GPATCH1: variants seen among roughly 807,000 people sequenced by gnomAD.
The protein encoded by GPATCH1 is G-patch domain containing 1.
GPATCH1 carries 73 observed loss-of-function variants against 114.9 expected under a neutral mutation model. The ratio of observed to expected loss-of-function variants is 0.64; its 90% CI spans 0.53 to 0.77. The LOEUF (loss-of-function observed/expected upper bound fraction) is 0.77, where lower values mean the gene tolerates loss of function less well. GPATCH1 is among the 30% of genes least tolerant of loss of function. The probability of loss-of-function intolerance (pLI) is 0.00; values close to 1 mark genes in which losing one functional copy is unlikely to be tolerated. For missense variants in GPATCH1, 1,058 were observed against 1,144.3 expected (o/e 0.92, Z 1.09); for synonymous variants, 391 against 428.4 (o/e 0.91, Z 1.08).
At chr19:33,083,113 G>GCA (rs1972496926) in intron 1 of GPATCH1, among the ~76,000 whole-genome samples, 2 of 150,910 alleles carry the variant, frequency 1.3e-5, no homozygotes, top group Non-Finnish European at 3.0e-5. Context: ...TGGTGGGGGG[G>GCA]GGCTCATGTA....
chr19:33,095,978 T>C (rs1972653601), intron 6 of GPATCH1, among the ~76,000 whole-genome samples, 158 bp downstream of exon 6: 2 of 152,184 alleles, frequency 1.3e-5, no homozygotes, highest in African/African-American at 2.4e-5. Context: ...AGCATACATA[T>C]TCAGCAACAT....
At chr19:33,114,218 A>C (rs1327873552) in intron 14 of GPATCH1, 35 bp from the exon 15 acceptor site, 8 of 1,563,872 alleles carry the variant, frequency 5.1e-6, no homozygotes, top group Non-Finnish European at 7.0e-6. Flanking sequence ...TTTCCTTGCT[A>C]ATGCTGGAGT....
chr19:33,104,209 A>G (rs538103751), intron 9 of GPATCH1, among the ~76,000 whole-genome samples: 2 of 151,230 alleles, frequency 1.3e-5, no homozygotes, highest in South Asian at 2.1e-4. Context: ...GTGTGGTGGT[A>G]TGTGCCTGTA....
rs556867629 is a variant in GPATCH1 at position 33,101,433 on chromosome 19, T to C, written c.1001-62T>C. 5.8e-5 allele frequency: 52 copies of C among 891,482 alleles called. No homozygotes were observed. The African/African-American group carries it at 7.1e-4, about 12-fold the overall frequency. The allele number at this position is 891,482 out of a possible 1,614,324, so 55.2% of individuals were successfully genotyped here. Reference sequence around the variant, plus strand: ...TAGAGATAAGAACGTAAAATGCTGATGTGTTCTGTCTTATTCTAATCATCT... The same window carrying C: ...TAGAGATAAGAACGTAAAATGCTGACGTGTTCTGTCTTATTCTAATCATCT... On this transcript the variant is annotated intron_variant, in intron 8 of 19. Transcript: ENST00000170564.
rs780478679 is a variant in GPATCH1, at chr19:33,109,956, G to T, written c.1525G>T (p.Asp509Tyr). ...KASNFKPFAK[D>Y]PEKQKRYDEF... ...CAGCAACTTCAAGCCTTTCGCCAAAGATCCGGAAAAGCAAAAGCGATACGA... is the reference window on the plus strand; with the variant it reads ...CAGCAACTTCAAGCCTTTCGCCAAATATCCGGAAAAGCAAAAGCGATACGA... Residue 509 changes from aspartate (D) to tyrosine (Y), a missense_variant, in exon 11 of 20, where the codon GAT becomes TAT. Physicochemically the swap from Asp to Tyr is radical, Grantham distance 160 (BLOSUM62 -3). Around this residue, in one of 3 missense-constraint regions of GPATCH1, gnomAD observed 893 missense variants for 977.4 expected, o/e 0.91. Transcript: ENST00000170564. 6.2e-7 allele frequency: 1 copy of T among 1,613,946 alleles called. No homozygotes were observed. Among genetic ancestry groups the T allele is most frequent in the Non-Finnish European group, 8.5e-7 (1 of 1,179,996 alleles).
chr19:33,111,976 T>C (rs1046707675), intron 12 of GPATCH1, 74 bp downstream of exon 12: 1 of 1,161,720 alleles, frequency 8.6e-7, no homozygotes, highest in Non-Finnish European at 1.2e-6. Flanking sequence ...AGTTTTTTCC[T>C]TTTTTTTGAG....
intron 19 of GPATCH1, 23 bp from the exon 20 acceptor site, chr19:33,130,107 C>T (rs1973086836): frequency 1.2e-6 from 2 of 1,605,068 alleles, no homozygotes; most frequent in East Asian, 2.2e-5. Context: ...TTCCATTTCT[C>T]TCTTTTCTGT....
chr19:33,126,730 G>T lies in GPATCH1; in HGVS notation c.2762G>T (p.Arg921Ile). ...GACGTGTCGCCCCAGGAGCTGCTGA[G>T]ACGGTGGGTAGTGGGAGATGGAGGG... ...TADVSPQELL[R>I]RLKSLPLRRQ is the part of the protein sequence containing the mutation. The change falls in exon 19 of 20, where the codon AGA becomes ATA. Residue 921 changes from arginine (R) to isoleucine (I), a missense_variant. Arg to Ile is a moderately conservative substitution (Grantham distance 97, BLOSUM62 -3). Transcript: ENST00000170564. 1.2e-6 allele frequency: 2 copies of T among 1,609,748 alleles called. No homozygotes were observed. Among genetic ancestry groups the T allele is most frequent in the Non-Finnish European group, 1.7e-6 (2 of 1,178,914 alleles).
intron 8 of GPATCH1, among the ~76,000 whole-genome samples, chr19:33,099,163 A>G (rs1386638220): frequency 6.7e-6 from 1 of 149,536 alleles, no homozygotes; most frequent in Non-Finnish European, 1.5e-5. Context: ...TATATTATGT[A>G]ACATACCAAT....
intron 10 of GPATCH1, among the ~76,000 whole-genome samples, chr19:33,108,110 G>T (rs990266834): frequency 6.6e-6 from 1 of 152,004 alleles, no homozygotes; most frequent in Non-Finnish European, 1.5e-5. Context: ...ACGTGTGGGG[G>T]TTCTGTCCAC....
At chr19:33,117,389 G>C (rs186403067) in intron 15 of GPATCH1, among the ~76,000 whole-genome samples, 1 of 152,088 alleles carries the variant, frequency 6.6e-6, no homozygotes, top group South Asian at 2.1e-4. Context: ...ATAGAACAGA[G>C]GCACAGTGCT....
At position 33,126,619 on chromosome 19, in the gene GPATCH1, G is replaced by A. The variant is rs755007759; in HGVS notation, c.2651G>A (p.Gly884Asp). 1 of 1,613,168 alleles carries A rather than the reference G, an allele frequency of 6.2e-7. No homozygotes were observed. Among genetic ancestry groups the A allele is most frequent in the Non-Finnish European group, 8.5e-7 (1 of 1,179,496 alleles). Residue 884 changes from glycine to aspartate, a missense_variant, in exon 19 of 20, where the codon GGC (glycine) becomes GAC (aspartate). Coordinates refer to ENST00000170564, the MANE Select transcript of GPATCH1 (RefSeq NM_018025.3). ...AAACACAGGAAGCACAAACACAAAG[G>A]CAAGCAAAAGAATAAAAAACCAGAG... Reference protein sequence around the residue: ...KKKHRKHKHKGKQKNKKPEKS... With the variant: ...KKKHRKHKHKDKQKNKKPEKS...
At chr19:33,118,813 G>A (rs548155260) in intron 16 of GPATCH1, among the ~76,000 whole-genome samples, 197 bp from the exon 17 acceptor site, 90 of 152,304 alleles carry the variant, frequency 5.9e-4, no homozygotes, top group Non-Finnish European at 1.1e-3. Flanking sequence ...AGGTGCCCTC[G>A]TGTGACTGAC....
chr19:33,126,778 T>A, intron 19 of GPATCH1, 45 bp downstream of exon 19: 1 of 1,466,466 alleles, frequency 6.8e-7, no homozygotes, highest in Non-Finnish European at 9.4e-7. Flanking sequence ...CTTTAGAGGC[T>A]TATTGAGTGC....
chr19:33,109,298 C>A (rs867857206), intron 10 of GPATCH1, among the ~76,000 whole-genome samples: 1 of 152,132 alleles, frequency 6.6e-6, no homozygotes, highest in African/African-American at 2.4e-5. Context: ...GGGTGGATCA[C>A]CTGAGGTCAG....
chr19:33,100,958 C>T (rs1972719640), intron 8 of GPATCH1, among the ~76,000 whole-genome samples: 1 of 152,098 alleles, frequency 6.6e-6, no homozygotes, highest in Non-Finnish European at 1.5e-5. Context: ...GGGCATTGGT[C>T]ATTCAGTTTC....
In GPATCH1 at chr19:33,094,991, C is replaced by T. The variant is rs536770547; in HGVS notation, c.553+722C>T. Among the ~76,000 whole-genome samples the T allele has an allele frequency of 1.9e-4, 29 of 152,202 alleles. No homozygotes were observed. In the South Asian group the frequency reaches 5.8e-3, roughly 30 times the overall value. On this transcript the variant is annotated intron_variant, in intron 5 of 19. Coordinates refer to ENST00000170564, the MANE Select transcript of GPATCH1 (RefSeq NM_018025.3). ...CCAGCCTGGGCAACACGGTGAAACC[C>T]TGCCTCTACCAAATATACCAAAATT...
At chr19:33,091,127 C>G (rs943988450) in intron 3 of GPATCH1, among the ~76,000 whole-genome samples, 1 of 152,010 alleles carries the variant, frequency 6.6e-6, no homozygotes, top group Admixed American at 6.6e-5. Flanking sequence ...TGAAAAGCCT[C>G]GTGGCTGGGT....
intron 16 of GPATCH1, among the ~76,000 whole-genome samples, chr19:33,118,419 TCTGCCCAC>T (rs1972940495): frequency 6.6e-6 from 1 of 152,070 alleles, no homozygotes; most frequent in Non-Finnish European, 1.5e-5. Flanking sequence ...CCTCAGGTGA[TCTGCCCAC>T]CTCAGCCTCC....
Sources: gnomAD v4.1 joint callset for allele counts (sites outside exome capture counted in the v4.1 genomes callset) on GRCh38, gnomAD v4.1.1 for gene constraint, gnomAD v4.1.1 regional missense constraint, MANE v1.5 for transcripts, NCBI Gene and HGNC (gene_info 2026-07-23, HGNC 2026-07-21) for gene names.